The following ARHGAP39 variants were observed in gnomAD, a reference collection of about 807,000 sequenced individuals.
The protein encoded by ARHGAP39 is rho GTPase-activating protein 39.
A neutral mutation model predicts 106.9 loss-of-function variants in ARHGAP39; 44 were observed. The ratio of observed to expected loss-of-function variants is 0.41; its 90% CI spans 0.32 to 0.53. ARHGAP39 has a LOEUF of 0.53. ARHGAP39 is among the 20% of genes least tolerant of loss of function. The pLI, the probability that ARHGAP39 is intolerant of heterozygous loss-of-function variation, is 0.21. For synonymous variants in ARHGAP39, 768 were observed against 693.2 expected (o/e 1.11, Z -1.69); for missense variants, 1,496 against 1,577.3 (o/e 0.95, Z 0.87).
chr8:144,641,624 T>G lies in ARHGAP39; in HGVS notation c.-81-35929A>C, dbSNP rs547320119. Among the ~76,000 whole-genome samples, 30 of 152,362 alleles carry G rather than the reference T, an allele frequency of 2.0e-4. No homozygotes were observed. The highest frequency in any genetic ancestry group is 3.4e-4 in the Non-Finnish European group (23 of 68,038). ...CTCAACTTCCAGCTTAGACTCAGCC[T>G]CTGTCGGCCTCCGCCAAAAGCAGAG... On this transcript the variant is annotated intron_variant, in intron 1 of 11. Coordinates refer to ENST00000377307, the MANE Select transcript of ARHGAP39 (RefSeq NM_025251.3). This position sits in a 1 kb window ranked among gnomAD's most constrained non-coding sequence, Gnocchi z 5.2.
intron 1 of ARHGAP39, among the ~76,000 whole-genome samples, chr8:144,632,110 T>C (rs1821076444): frequency 6.6e-6 from 1 of 152,180 alleles, no homozygotes; most frequent in Admixed American, 6.5e-5. Context: ...AAAGTGCTGA[T>C]TCTGCTTTCT....
At chr8:144,685,297 G>A (rs1471427988) in intron 1 of ARHGAP39, among the ~76,000 whole-genome samples, 2 of 151,230 alleles carry the variant, frequency 1.3e-5, no homozygotes, top group African/African-American at 2.4e-5. Flanking sequence ...CCCACATTGG[G>A]GCCGGGCACA....
intron 1 of ARHGAP39, among the ~76,000 whole-genome samples, chr8:144,606,786 G>A (rs546975437): frequency 7.2e-5 from 11 of 152,226 alleles, no homozygotes; most frequent in East Asian, 1.9e-4. Flanking sequence ...AATCTCGTAC[G>A]TAAAACTTAG....
intron 1 of ARHGAP39, among the ~76,000 whole-genome samples, chr8:144,621,758 C>T (rs1448880568): frequency 1.3e-5 from 2 of 152,202 alleles, no homozygotes; most frequent in African/African-American, 4.8e-5. Context: ...GTAGAGGCTG[C>T]AGTGAGCCAA....
Position 144,533,256 on chromosome 8 carries a change from C to T in ARHGAP39, c.2758G>A (p.Gly920Ser), listed in dbSNP as rs1816804092. ...CCCATGACCTCCTGCAGTGCGCTGC[C>T]GAACATGGACGGGCTGAACACGGCG... ...KNAVFSPSMF[G>S]SALQEVMGMQ... Residue 920 changes from glycine (G) to serine (S), a missense_variant, in exon 9 of 12, where the codon GGC becomes AGC. Physicochemically the swap from Gly to Ser is moderately conservative, Grantham distance 56. This residue lies in a region of ARHGAP39 where 470 missense variants were observed against 605.1 expected (regional missense o/e 0.78). Transcript: ENST00000377307. The T allele has an allele frequency of 4.3e-6, 7 of 1,613,014 alleles. No individual in the cohort carries two copies. Among genetic ancestry groups the T allele is most frequent in the South Asian group, 1.1e-5 (1 of 91,086 alleles).
chr8:144,530,790 T>C lies in ARHGAP39; in HGVS notation c.3062A>G (p.Tyr1021Cys), dbSNP rs1357180330. The part of the protein sequence containing the change: ...HEFYEQCIAH[Y>C]DSPEAAVAVV... The stretch of plus-strand genomic sequence containing the variant: ...GGCCACCGCCGCCTCGGGGCTGTCG[T>C]AGTGCGCGATGCACTGCTCGTAGAA... The change falls in exon 11 of 12, where the codon TAC becomes TGC. Residue 1021 changes from tyrosine to cysteine, a missense_variant. Tyr to Cys is a radical substitution (Grantham distance 194). This residue lies in a region of ARHGAP39 where 470 missense variants were observed against 605.1 expected (regional missense o/e 0.78). Coordinates refer to ENST00000377307, the MANE Select transcript of ARHGAP39 (RefSeq NM_025251.3). 6.2e-7 allele frequency: 1 copy of C among 1,611,900 alleles called. No homozygotes were observed. Among genetic ancestry groups the C allele is most frequent in the Non-Finnish European group, 8.5e-7 (1 of 1,179,680 alleles).
At chr8:144,556,262 G>A (rs988851228) in intron 3 of ARHGAP39, among the ~76,000 whole-genome samples, 16 of 149,462 alleles carry the variant, frequency 1.1e-4, no homozygotes, top group African/African-American at 3.7e-4. Context: ...TCCAGCCTGG[G>A]TGACAGAGCA....
In ARHGAP39 at chr8:144,641,287, G is replaced by A. The variant is rs562896979; in HGVS notation, c.-81-35592C>T. 2.6e-5 allele frequency among the ~76,000 whole-genome samples: 4 copies of A among 152,138 alleles called. No homozygotes were observed. Among genetic ancestry groups the A allele is most frequent in the Admixed American group, 1.3e-4 (2 of 15,280 alleles). On this transcript the variant is annotated intron_variant, in intron 1 of 11. Coordinates refer to ENST00000377307, the MANE Select transcript of ARHGAP39 (RefSeq NM_025251.3). The surrounding 1 kb of genome is among the most constrained non-coding windows in gnomAD (Gnocchi z 5.2). ...AGAGGACGGGAAAGGAGAGGCAGAC[G>A]CTATTAAATTCTTTATGGAATGAAA...
chr8:144,575,803 C>G (rs1182554232), intron 3 of ARHGAP39, among the ~76,000 whole-genome samples: 1 of 152,234 alleles, frequency 6.6e-6, no homozygotes, highest in Non-Finnish European at 1.5e-5. Context: ...TGCTGCTCCT[C>G]TGTAGGACCG....
At chr8:144,605,028 T>G (rs1024977287) in intron 2 of ARHGAP39, among the ~76,000 whole-genome samples, 1 of 152,136 alleles carries the variant, frequency 6.6e-6, no homozygotes, top group Non-Finnish European at 1.5e-5. Flanking sequence ...TTGGGAGGCC[T>G]CGGCCTCCCA....
At chr8:144,561,900 GCACTCCAGTGGTTTCCATCA>G (rs1246230618) in intron 3 of ARHGAP39, among the ~76,000 whole-genome samples, 100 of 129,578 alleles carry the variant, frequency 7.7e-4, no homozygotes, top group South Asian at 1.3e-3. Flanking sequence ...GGTTTCCATC[GCACTCCAGTGGTTTCCATCA>G]CACTCCAGTG....
chr8:144,643,270 T>G (rs1385363909), intron 1 of ARHGAP39, among the ~76,000 whole-genome samples: 1 of 151,992 alleles, frequency 6.6e-6, no homozygotes, highest in African/African-American at 2.4e-5. Context: ...GAGACCAGCC[T>G]GGGCAACATG....
chr8:144,661,921 C>G (rs114003503), intron 1 of ARHGAP39, among the ~76,000 whole-genome samples: 112 of 148,766 alleles, frequency 7.5e-4, no homozygotes, highest in African/African-American at 2.8e-3. Context: ...TTCCGCATCT[C>G]CATTATCCAC....
chr8:144,584,073 T>C (rs1024122836), intron 2 of ARHGAP39: 1 of 152,272 alleles, frequency 6.6e-6, no homozygotes, highest in Non-Finnish European at 1.5e-5. Flanking sequence ...GCTTTATTTT[T>C]AAAAGTGGCA....
At chr8:144,661,537 C>T (rs757661379) in intron 1 of ARHGAP39, among the ~76,000 whole-genome samples, 17 of 152,114 alleles carry the variant, frequency 1.1e-4, no homozygotes, top group Non-Finnish European at 1.6e-4. Context: ...AACCAGCCTT[C>T]CCCTTTCTCC....
At position 144,530,254 on chromosome 8, in the gene ARHGAP39, C is replaced by T; in HGVS notation, c.*168G>A. ...GCCGCTGCTGTGCCCTGGCTGCACC[C>T]TCAGACCAGGCAGAAGACGTGGGGA... On this transcript the variant is annotated 3_prime_UTR_variant, in exon 12 of 12. Transcript: ENST00000377307. The T allele has an allele frequency of 1.3e-6, 1 of 756,446 alleles. No individual in the cohort carries two copies. Among genetic ancestry groups the T allele is most frequent in the Non-Finnish European group, 2.1e-6 (1 of 480,074 alleles). 46.9% of individuals were successfully genotyped at this position (756,446 alleles called of 1,614,324 possible).
intron 2 of ARHGAP39, 61 bp from the exon 3 acceptor site, chr8:144,581,338 C>G: frequency 1.4e-6 from 2 of 1,454,500 alleles, no homozygotes; most frequent in Non-Finnish European, 1.8e-6. Flanking sequence ...CGCCTCCCAC[C>G]CCTGCAGACC....
In ARHGAP39 at chr8:144,671,136, C is replaced by A. The variant is rs564862814; in HGVS notation, c.-82+14550G>T. 6.6e-6 allele frequency among the ~76,000 whole-genome samples: 1 copy of A among 152,204 alleles called. No individual in the cohort carries two copies. Among genetic ancestry groups the A allele is most frequent in the East Asian group, 1.9e-4 (1 of 5,200 alleles). ...CAGTTTGTAAATCCTAATGTCAGTT[C>A]TCTCTGTGGAATGAGGCCTATGTTG... On this transcript the variant is annotated intron_variant, in intron 1 of 11. Coordinates refer to ENST00000377307, the MANE Select transcript of ARHGAP39 (RefSeq NM_025251.3). This position sits in a 1 kb window ranked among gnomAD's most constrained non-coding sequence, Gnocchi z 4.5.
the ARHGAP39 span, among the ~76,000 whole-genome samples, chr8:144,696,388 C>T: frequency 1.3e-5 from 2 of 152,228 alleles, no homozygotes; most frequent in Non-Finnish European, 2.9e-5. Context: ...ATCCACCCGC[C>T]TTGGCCTCCC....
Sources: allele counts gnomAD v4.1 joint callset (sites outside exome capture counted in the v4.1 genomes callset), GRCh38; gene constraint gnomAD v4.1.1; regional missense constraint gnomAD v4.1.1; non-coding constraint Gnocchi (gnomAD v3.1); transcripts MANE v1.5; gene names NCBI Gene and HGNC (gene_info 2026-07-23, HGNC 2026-07-21).